KCNJ6: variants seen among roughly 807,000 people sequenced by gnomAD.
The protein encoded by KCNJ6 is potassium inwardly rectifying channel subfamily J member 6.
In KCNJ6, 9 loss-of-function variants were observed where a neutral mutation model predicts 34.2. That is an observed-to-expected ratio of 0.26 (90% CI 0.16 to 0.46). KCNJ6 has a LOEUF of 0.46. Ranked by LOEUF, KCNJ6 falls within the 20% of genes least tolerant of loss-of-function variation. KCNJ6 has a pLI of 1.00. For synonymous variants in KCNJ6, 196 were observed against 207.1 expected (o/e 0.95, Z 0.46); for missense variants, 236 against 531.3 (o/e 0.44, Z 5.46).
In KCNJ6 at chr21:37,898,501, G is replaced by C. The variant is rs1042203384; in HGVS notation, c.-28+17383C>G. Among the ~76,000 whole-genome samples the C allele has an allele frequency of 3.3e-5, 5 of 150,252 alleles. 1 individual carries two copies. Among genetic ancestry groups the C allele is most frequent in the Non-Finnish European group, 7.4e-5 (5 of 67,830 alleles). ...GGAGGCTGAGGCAGAAGAATAGCTA[G>C]AACCCAGGAGGCGAAGGTTGCAGTG... is the stretch of plus-strand genomic sequence containing the variant. On this transcript the variant is annotated intron_variant, in intron 1 of 3. Coordinates refer to ENST00000609713, the MANE Select transcript of KCNJ6 (RefSeq NM_002240.5).
Position 37,617,053 on chromosome 21 carries a change from T to G in KCNJ6, c.*8106A>C, listed in dbSNP as rs1462542017. 2 of 54,118 alleles carry G rather than the reference T, an allele frequency of 3.7e-5. No homozygotes were observed. Among genetic ancestry groups the G allele is most frequent in the Admixed American group, 2.1e-4 (1 of 4,870 alleles). 3.4% of individuals were successfully genotyped at this position (54,118 alleles called of 1,614,324 possible). A position where few individuals can be genotyped will look rare whatever the true frequency, so the allele number is the denominator to read the frequency against. Reference sequence around the variant, plus strand: ...CTTTCTTTCTTTCTTTCTTTCTTTCTTTTCTTTTCTTTTCTTTTCTTTTCT... The same window carrying G: ...CTTTCTTTCTTTCTTTCTTTCTTTCGTTTCTTTTCTTTTCTTTTCTTTTCT... On this transcript the variant is annotated 3_prime_UTR_variant, in exon 4 of 4. Coordinates refer to ENST00000609713, the MANE Select transcript of KCNJ6 (RefSeq NM_002240.5).
chr21:37,884,173 G>C (rs1479238229), intron 1 of KCNJ6, among the ~76,000 whole-genome samples: 1 of 152,200 alleles, frequency 6.6e-6, no homozygotes, highest in African/African-American at 2.4e-5. Flanking sequence ...TAGTATGTCT[G>C]GGCCTATAAG....
rs1019123561 is a variant in KCNJ6 at position 37,766,084 on chromosome 21, T to A, written c.26-50953A>T. Among the ~76,000 whole-genome samples the A allele has an allele frequency of 6.6e-5, 10 of 152,338 alleles. 1 individual carries two copies. Among genetic ancestry groups the A allele is most frequent in the African/African-American group, 2.4e-4 (10 of 41,580 alleles). On this transcript the variant is annotated intron_variant, in intron 2 of 3. Coordinates refer to ENST00000609713, the MANE Select transcript of KCNJ6 (RefSeq NM_002240.5). ...CCACTAGTTAGAAGCTACAGAGTTA[T>A]CAGATTTTAAATGTAACACCCTCAT... is the stretch of plus-strand genomic sequence containing the variant.
At chr21:37,728,440 T>C (rs2054866585) in intron 2 of KCNJ6, among the ~76,000 whole-genome samples, 2 of 152,186 alleles carry the variant, frequency 1.3e-5, no homozygotes, top group African/African-American at 4.8e-5. Context: ...ATGATAAATT[T>C]TATGTTAGGT....
In KCNJ6 at chr21:37,690,039, A is replaced by G. The variant is rs141808327; in HGVS notation, c.946+24172T>C. On this transcript the variant is annotated intron_variant, in intron 3 of 3. Coordinates refer to ENST00000609713, the MANE Select transcript of KCNJ6 (RefSeq NM_002240.5). The stretch of plus-strand genomic sequence containing the variant: ...CTTATCCCTCTGCAATAAACTACAG[A>G]TTATCCTTATAAAAATCCTTTCTTT... Among the ~76,000 whole-genome samples the G allele has an allele frequency of 2.6e-3, 395 of 152,340 alleles. 2 individuals are homozygous for G. The highest frequency in any genetic ancestry group is 0.014 in the Middle Eastern group (4 of 294).
At chr21:37,729,272 G>C (rs548177592) in intron 2 of KCNJ6, among the ~76,000 whole-genome samples, 1 of 148,444 alleles carries the variant, frequency 6.7e-6, no homozygotes, top group Non-Finnish European at 1.5e-5. Flanking sequence ...GGAGATAAAC[G>C]CCACGTCACT....
chr21:37,755,326 C>T (rs2055018618), intron 2 of KCNJ6, among the ~76,000 whole-genome samples: 1 of 152,090 alleles, frequency 6.6e-6, no homozygotes, highest in African/African-American at 2.4e-5. Flanking sequence ...TACACAAACA[C>T]ACATGCAAAA....
rs772628484 is a variant in KCNJ6, at chr21:37,619,098, T to C, written c.*6061A>G. The C allele has an allele frequency of 6.6e-6, 1 of 152,242 alleles. No individual in the cohort carries two copies. Among genetic ancestry groups the C allele is most frequent in the Admixed American group, 6.5e-5 (1 of 15,284 alleles). The allele number at this position is 152,242 out of a possible 1,614,324, so 9.4% of individuals were successfully genotyped here. On this transcript the variant is annotated 3_prime_UTR_variant, in exon 4 of 4. Transcript: ENST00000609713. Reference sequence around the variant, plus strand: ...ATCCATCCTTTATCTGTCGACAATATAACAACATCACAATGATTTGTTACA... The same window carrying C: ...ATCCATCCTTTATCTGTCGACAATACAACAACATCACAATGATTTGTTACA...
chr21:37,804,801 T>A lies in KCNJ6; in HGVS notation c.25+35857A>T, dbSNP rs2055285782. Among the ~76,000 whole-genome samples the A allele has an allele frequency of 2.0e-5, 3 of 152,212 alleles. No homozygotes were observed. In the South Asian group the frequency reaches 6.2e-4, roughly 31 times the overall value. On this transcript the variant is annotated intron_variant, in intron 2 of 3. Transcript: ENST00000609713. The stretch of plus-strand genomic sequence containing the variant: ...TATTCCATGGTGTATATGTACCACA[T>A]TTTCTTTACCCAGTCTATCATTGAT...
At chr21:37,729,081 C>T (rs185091851) in intron 2 of KCNJ6, among the ~76,000 whole-genome samples, 1 of 152,280 alleles carries the variant, frequency 6.6e-6, no homozygotes. Context: ...ACAGATCCTA[C>T]ATCCCATGAG....
chr21:37,790,978 A>G (rs1601472783), intron 2 of KCNJ6, among the ~76,000 whole-genome samples: 2 of 152,326 alleles, frequency 1.3e-5, no homozygotes, highest in African/African-American at 4.8e-5. Context: ...GCAAAAGCCA[A>G]TTTACGTTGT....
intron 2 of KCNJ6, among the ~76,000 whole-genome samples, chr21:37,802,517 A>G (rs73904471): frequency 0.044 from 6,737 of 152,226 alleles, 211 homozygotes; most frequent in East Asian, 0.087. Flanking sequence ...AGATTGGAAG[A>G]GGCTATGCTG....
intron 1 of KCNJ6, among the ~76,000 whole-genome samples, chr21:37,906,543 C>CG (rs538640758): frequency 6.6e-6 from 1 of 152,154 alleles, no homozygotes; most frequent in Non-Finnish European, 1.5e-5. Flanking sequence ...TCCAGTAGAT[C>CG]GGGGGGTGAG....
At chr21:37,785,857 T>C (rs1483215540) in intron 2 of KCNJ6, among the ~76,000 whole-genome samples, 1 of 152,206 alleles carries the variant, frequency 6.6e-6, no homozygotes, top group Non-Finnish European at 1.5e-5. Context: ...GATTAGTGCC[T>C]TTATAAGATA....
At chr21:37,847,166 T>C (rs1568870100) in intron 1 of KCNJ6, among the ~76,000 whole-genome samples, 1 of 152,242 alleles carries the variant, frequency 6.6e-6, no homozygotes, top group African/African-American at 2.4e-5. Context: ...TATGAAAATA[T>C]ATAAAAATAG....
rs560207802 is a variant in KCNJ6, at chr21:37,860,253, G to A, written c.-27-19544C>T. On this transcript the variant is annotated intron_variant, in intron 1 of 3. Transcript: ENST00000609713. Reference sequence around the variant, plus strand: ...TTAATTGTTCTCCAATTACCTTATCGGTGATAATTTTTCTCCAACTTGAGT... The same window carrying A: ...TTAATTGTTCTCCAATTACCTTATCAGTGATAATTTTTCTCCAACTTGAGT... Among the ~76,000 whole-genome samples the A allele has an allele frequency of 6.6e-5, 10 of 152,154 alleles. No homozygotes were observed. In the South Asian group the frequency reaches 8.3e-4, roughly 13 times the overall value.
rs756714916 is a variant in KCNJ6, at chr21:37,715,047, C to G, written c.110G>C (p.Arg37Thr). The change falls in exon 3 of 4, where the codon AGG becomes ACG. Residue 37 changes from arginine to threonine, a missense_variant. This residue lies in a region of KCNJ6 where 64 missense variants were observed against 68.9 expected (regional missense o/e 0.93). Transcript: ENST00000609713. ...GCTGATGTGTCTTGGCAGGTCATCC[C>G]TGGCCTGCTTAGGCAACTTTGGCTG... The part of the protein sequence containing the change: ...IHQPKLPKQA[R>T]DDLPRHISRD... 2.5e-6 allele frequency: 4 copies of G among 1,614,130 alleles called. No homozygotes were observed. The highest frequency in any genetic ancestry group is 4.5e-5 in the East Asian group (2 of 44,880).
intron 2 of KCNJ6, among the ~76,000 whole-genome samples, chr21:37,827,809 A>G (rs2055406101): frequency 6.6e-6 from 1 of 152,178 alleles, no homozygotes; most frequent in South Asian, 2.1e-4. Flanking sequence ...CACAGGGAAC[A>G]TAATCAAATG....
chr21:37,772,914 T>C (rs2055124138), intron 2 of KCNJ6, among the ~76,000 whole-genome samples: 1 of 152,250 alleles, frequency 6.6e-6, no homozygotes, highest in South Asian at 2.1e-4. Flanking sequence ...ACAAGGATAC[T>C]GTGAAATGAC....
Sources: allele counts gnomAD v4.1 joint callset (sites outside exome capture counted in the v4.1 genomes callset), GRCh38; gene constraint gnomAD v4.1.1; regional missense constraint gnomAD v4.1.1; transcripts MANE v1.5; gene names NCBI Gene and HGNC (gene_info 2026-07-23, HGNC 2026-07-21).